KPNA7: variants seen among roughly 807,000 people sequenced by gnomAD.
The protein encoded by KPNA7 is importin subunit alpha-8.
A neutral mutation model predicts 53.7 loss-of-function variants in KPNA7; 54 were observed. The observed-to-expected ratio is 1.01, with a 90% CI of 0.81 to 1.26. KPNA7 has a LOEUF of 1.26. Among genes scored for constraint, KPNA7 ranks in the 50% most tolerant of loss-of-function variants. The pLI is 0.00. For synonymous variants in KPNA7, 276 were observed against 259.3 expected (o/e 1.06, Z -0.62); for missense variants, 640 against 644.5 (o/e 0.99, Z 0.07).
chr7:99,177,021 T>C (rs1403526672), intron 10 of KPNA7, among the ~76,000 whole-genome samples: 1 of 152,202 alleles, frequency 6.6e-6, no homozygotes, highest in Non-Finnish European at 1.5e-5. Flanking sequence ...ATGCAGCATA[T>C]ACATTCAATG....
At chr7:99,176,879 T>A (rs1798927322) in intron 10 of KPNA7, among the ~76,000 whole-genome samples, 2 of 152,000 alleles carry the variant, frequency 1.3e-5, no homozygotes, top group Non-Finnish European at 2.9e-5. Context: ...GGACCCTGTC[T>A]TTACAAACAA....
At chr7:99,181,406 T>G (rs915604281) in intron 9 of KPNA7, among the ~76,000 whole-genome samples, 34 of 152,246 alleles carry the variant, frequency 2.2e-4, no homozygotes, top group African/African-American at 8.2e-4. Context: ...TGTCATAGTC[T>G]GAGCATCTGA....
chr7:99,179,857 A>G (rs1349033516), intron 9 of KPNA7, among the ~76,000 whole-genome samples: 1 of 152,030 alleles, frequency 6.6e-6, no homozygotes, highest in Non-Finnish European at 1.5e-5. Flanking sequence ...TACAGGTGTA[A>G]GCCACCATGC....
chr7:99,198,041 C>A (rs529819505), intron 3 of KPNA7, among the ~76,000 whole-genome samples: 1 of 152,090 alleles, frequency 6.6e-6, no homozygotes, highest in South Asian at 2.1e-4. Context: ...CTGTTGAAAG[C>A]CAAAACTACA....
rs55867906 is a variant in KPNA7, at chr7:99,187,799, TAAAAAAAAAAAAAA to T, written c.900+487_900+500del. Among the ~76,000 whole-genome samples, 12 of 65,102 alleles carry T rather than the reference TAAAAAAAAAAAAAA, an allele frequency of 1.8e-4. No individual in the cohort carries two copies. In the East Asian group the frequency reaches 4.0e-3, roughly 22 times the overall value. 42.7% of individuals were successfully genotyped at this position (65,102 alleles called of 152,430 possible). A position where few individuals can be genotyped will look rare whatever the true frequency, so the allele number is the denominator to read the frequency against. ...AGCCACCGTGCCCGGCCTTTTTTTTTAAAAAAAAAAAAAAAAAAAAAAAAAAAAAAAAAAAACCC... is the reference window on the plus strand; with the variant it reads ...AGCCACCGTGCCCGGCCTTTTTTTTTAAAAAAAAAAAAAAAAAAAAAACCC... On this transcript the variant is annotated intron_variant, in intron 7 of 10. Coordinates refer to ENST00000327442, the MANE Select transcript of KPNA7 (RefSeq NM_001145715.3).
At position 99,195,268 on chromosome 7, in the gene KPNA7, C is replaced by A; in HGVS notation, c.355G>T (p.Val119Leu). ...TAAAGTGATGACTTCAGGAACTCCA[C>A]CATCCTGGGAATGAGGCCCGCTTCA... is the stretch of plus-strand genomic sequence containing the variant. ...VIEAGLIPRM[V>L]EFLKSSLYPC... Residue 119 changes from valine to leucine, a missense_variant, in exon 5 of 11, where the codon GTG becomes TTG. Val to Leu is a conservative substitution (Grantham distance 32). Coordinates refer to ENST00000327442, the MANE Select transcript of KPNA7 (RefSeq NM_001145715.3). The A allele has an allele frequency of 6.4e-7, 1 of 1,551,652 alleles. No homozygotes were observed. Among genetic ancestry groups the A allele is most frequent in the African/African-American group, 1.4e-5 (1 of 73,154 alleles).
At chr7:99,147,405 T>G in the KPNA7 span, among the ~76,000 whole-genome samples, 1 of 152,222 alleles carries the variant, frequency 6.6e-6, no homozygotes, top group African/African-American at 2.4e-5. Context: ...CACAAAGGCA[T>G]GAACGTGAAT....
chr7:99,173,445 G>GTCTCA, downstream of KPNA7: 1 of 250,252 alleles, frequency 4.0e-6, no homozygotes, highest in Non-Finnish European at 7.6e-6. Context: ...CACCCACCTT[G>GTCTCA]GCCTCCCAAA....
chr7:99,209,070 T>G (rs891609261), upstream of KPNA7, among the ~76,000 whole-genome samples: 3 of 152,120 alleles, frequency 2.0e-5, no homozygotes, highest in Admixed American at 2.0e-4. Context: ...GAGGATCACT[T>G]GAATCCGGGA....
At chr7:99,186,719 G>A (rs1010989514) in intron 7 of KPNA7, among the ~76,000 whole-genome samples, 1 of 151,962 alleles carries the variant, frequency 6.6e-6, no homozygotes, top group African/African-American at 2.4e-5. Context: ...CTCCGGCCTT[G>A]GCAACAGAGT....
chr7:99,146,647 G>C, the KPNA7 span, among the ~76,000 whole-genome samples: 1 of 146,920 alleles, frequency 6.8e-6, no homozygotes, highest in Non-Finnish European at 1.5e-5. Context: ...GGGAGGCAGA[G>C]GTTGCAGTGA....
chr7:99,157,661 G>A, the KPNA7 span, among the ~76,000 whole-genome samples: 5,644 of 152,282 alleles, frequency 0.037, 149 homozygotes, highest in Non-Finnish European at 0.055. Context: ...TTTCCCCTAT[G>A]AATAGATTAG....
At position 99,188,333 on chromosome 7, in the gene KPNA7, T is replaced by C. The variant is rs767510250; in HGVS notation, c.867A>G (p.Val289=). ...VVNTGVLPRL[V]VLMTSSELNV... is the part of the protein sequence containing the mutation. Reference sequence around the variant, plus strand: ...TGAGTTCTGAGCTGGTCATGAGCACTACCAGCCTGGGCAGGACCCCCGTGT... The same window carrying C: ...TGAGTTCTGAGCTGGTCATGAGCACCACCAGCCTGGGCAGGACCCCCGTGT... Residue 289 remains valine (V), a synonymous_variant, in exon 7 of 11, where the codon GTA becomes GTG. Coordinates refer to ENST00000327442, the MANE Select transcript of KPNA7 (RefSeq NM_001145715.3). 1.3e-6 allele frequency: 2 copies of C among 1,551,446 alleles called. No individual in the cohort carries two copies. Among genetic ancestry groups the C allele is most frequent in the Admixed American group, 3.9e-5 (2 of 50,942 alleles).
At chr7:99,190,096 T>C (rs1420192718) in intron 6 of KPNA7, among the ~76,000 whole-genome samples, 6 of 151,338 alleles carry the variant, frequency 4.0e-5, no homozygotes, top group African/African-American at 1.5e-4. Flanking sequence ...CCCAACACTT[T>C]GGGAGGCCGA....
At chr7:99,171,340 C>G (rs1469224240), downstream of KPNA7, among the ~76,000 whole-genome samples, 1 of 152,266 alleles carries the variant, frequency 6.6e-6, no homozygotes, top group Non-Finnish European at 1.5e-5. Context: ...GTGGCTCACG[C>G]CTGTAATCCC....
chr7:99,196,226 T>C (rs1271148874), intron 3 of KPNA7, 60 bp from the exon 4 acceptor site: 2 of 1,169,558 alleles, frequency 1.7e-6, no homozygotes, highest in Non-Finnish European at 2.5e-6. Flanking sequence ...AAACATCACC[T>C]ACTCTAGCCA....
chr7:99,196,055 T>C, intron 4 of KPNA7, 29 bp downstream of exon 4: 13 of 1,536,384 alleles, frequency 8.5e-6, no homozygotes, highest in Non-Finnish European at 1.1e-5. Context: ...ACTATGAACC[T>C]GCAACAGCAG....
the KPNA7 span, among the ~76,000 whole-genome samples, chr7:99,156,786 C>T: frequency 6.6e-6 from 1 of 152,064 alleles, no homozygotes; most frequent in Admixed American, 6.6e-5. Flanking sequence ...TGGCCTCCCA[C>T]AGTGCTGGGA....
intron 2 of KPNA7, among the ~76,000 whole-genome samples, chr7:99,204,828 C>T (rs968739731): frequency 6.6e-6 from 1 of 152,072 alleles, no homozygotes; most frequent in African/African-American, 2.4e-5. Context: ...TGCACTCCAG[C>T]CTGGATGACA....
Sources: allele counts gnomAD v4.1 joint callset (sites outside exome capture counted in the v4.1 genomes callset), GRCh38; gene constraint gnomAD v4.1.1; transcripts MANE v1.5; gene names NCBI Gene and HGNC (gene_info 2026-07-23, HGNC 2026-07-21).